Variants in FCRL6 observed in about 807,000 individuals in gnomAD.
FCRL6 encodes Fc receptor-like protein 6.
A neutral mutation model predicts 49.1 loss-of-function variants in FCRL6; 50 were observed. The observed-to-expected ratio is 1.02, with a 90% confidence interval of 0.81 to 1.29. FCRL6 has a LOEUF of 1.29. Among genes scored for constraint, FCRL6 ranks in the 50% most tolerant of loss-of-function variants. FCRL6 has a pLI of 0.00. For missense variants in FCRL6, 571 were observed against 518.5 expected (o/e 1.10, Z -0.98); for synonymous variants, 213 against 199.6 (o/e 1.07, Z -0.57).
intron 6 of FCRL6, among the ~76,000 whole-genome samples, chr1:159,812,480 G>T (rs1378714666): frequency 6.6e-6 from 1 of 152,214 alleles, no homozygotes; most frequent in East Asian, 1.9e-4. Context: ...CTTCAAAGTA[G>T]CACTCACCTG....
chr1:159,815,539 A>T lies in FCRL6; in HGVS notation c.1183A>T (p.Ser395Cys), dbSNP rs770428080. ...SAEFTVGRKDSSIICAEVRCL... is the reference protein window; with the variant it reads ...SAEFTVGRKDCSIICAEVRCL... ...TCCTGAGCCAACTCTTCCACAGGACAGTTCTATCATCTGTGCGGAGGTGAG... is the reference window on the plus strand; with the variant it reads ...TCCTGAGCCAACTCTTCCACAGGACTGTTCTATCATCTGTGCGGAGGTGAG... The change falls in exon 10 of 10, where the codon AGT becomes TGT. Residue 395 changes from serine (S) to cysteine (C), a missense_variant. Coordinates refer to ENST00000368106, the MANE Select transcript of FCRL6 (RefSeq NM_001004310.3). The T allele has an allele frequency of 1.2e-6, 2 of 1,614,084 alleles. No individual in the cohort carries two copies. The highest frequency in any genetic ancestry group is 2.2e-5 in the East Asian group (1 of 44,896).
At chr1:159,807,396 G>A (rs140884669) in intron 2 of FCRL6, among the ~76,000 whole-genome samples, 184 of 149,796 alleles carry the variant, frequency 1.2e-3, no homozygotes, top group African/African-American at 4.3e-3. Flanking sequence ...GATACAGGCT[G>A]GGGACAGATA....
At chr1:159,810,513 A>C (rs1384025871) in intron 6 of FCRL6, among the ~76,000 whole-genome samples, 2 of 152,200 alleles carry the variant, frequency 1.3e-5, no homozygotes, top group Non-Finnish European at 2.9e-5. Context: ...ATTACAAGCC[A>C]AACGTGAGGT....
At chr1:159,806,180 G>A (rs935183306) in intron 1 of FCRL6, among the ~76,000 whole-genome samples, 2 of 152,246 alleles carry the variant, frequency 1.3e-5, no homozygotes, top group African/African-American at 4.8e-5. Context: ...ATAGTGATAA[G>A]TGTTTTGAAG....
intron 6 of FCRL6, among the ~76,000 whole-genome samples, chr1:159,810,631 G>T (rs1663036286): frequency 6.6e-6 from 1 of 151,880 alleles, no homozygotes; most frequent in South Asian, 2.1e-4. Context: ...GCTCTGATCT[G>T]CTTAGCAGAG....
At chr1:159,802,234 C>G (rs1662378881), upstream of FCRL6, 3 of 563,728 alleles carry the variant, frequency 5.3e-6, no homozygotes, top group Non-Finnish European at 6.4e-6. Flanking sequence ...AATACTTCTT[C>G]AACCAAAGAG....
At position 159,808,200 on chromosome 1, in the gene FCRL6, G is replaced by T. The variant is rs552115685; in HGVS notation, c.75G>T (p.Trp25Cys). ...GKTVWLYLQA[W>C]PNPVFEGDAL... ...CAGTCTGGCTGTACCTCCAAGCCTGGCCAAACCCTGTGTTTGAAGGAGATG... is the reference window on the plus strand; with the variant it reads ...CAGTCTGGCTGTACCTCCAAGCCTGTCCAAACCCTGTGTTTGAAGGAGATG... Residue 25 changes from tryptophan (W) to cysteine (C), a missense_variant, in exon 3 of 10, where the codon TGG becomes TGT. Trp to Cys is a radical substitution (Grantham distance 215). Transcript: ENST00000368106. 1 of 1,613,172 alleles carries T rather than the reference G, an allele frequency of 6.2e-7. No homozygotes were observed. The highest frequency in any genetic ancestry group is 1.3e-5 in the African/African-American group (1 of 75,040).
intron 1 of FCRL6, 24 bp downstream of exon 1, chr1:159,802,479 C>A (rs370993703): frequency 6.2e-7 from 1 of 1,607,104 alleles, no homozygotes; most frequent in South Asian, 1.1e-5. Context: ...CATGGGCATC[C>A]CCTCTTGGAG....
chr1:159,806,654 T>C, intron 2 of FCRL6, 38 bp downstream of exon 2: 3 of 1,608,730 alleles, frequency 1.9e-6, no homozygotes, highest in Non-Finnish European at 2.6e-6. Flanking sequence ...TCAAAGTATG[T>C]CTATGGGCCA....
intron 7 of FCRL6, among the ~76,000 whole-genome samples, 184 bp downstream of exon 7, chr1:159,813,738 G>C (rs1000631274): frequency 2.6e-5 from 4 of 152,214 alleles, no homozygotes; most frequent in Non-Finnish European, 4.4e-5. Context: ...GTGGGAGAAG[G>C]GGGTGGGAAG....
At chr1:159,809,704 G>A (rs776188750) in intron 5 of FCRL6, 21 bp downstream of exon 5, 6 of 1,607,618 alleles carry the variant, frequency 3.7e-6, no homozygotes, top group Middle Eastern at 1.7e-4. Flanking sequence ...TTCTCCAACA[G>A]AGCTTTGAGC....
At position 159,810,227 on chromosome 1, in the gene FCRL6, C is replaced by T. The variant is rs149355675; in HGVS notation, c.1009+11C>T. The T allele has an allele frequency of 5.0e-6, 8 of 1,608,704 alleles. No individual in the cohort carries two copies. The African/African-American group carries it at 6.7e-5, about 13-fold the overall frequency. On this transcript the variant is annotated intron_variant, in intron 6 of 9. Transcript: ENST00000368106. ...CCTGGAGAAAAGCTGGTCAGTAACT[C>T]CTCTTGGCTTTCTTAGCTGCTGAAT... is the stretch of plus-strand genomic sequence containing the variant.
upstream of FCRL6, among the ~76,000 whole-genome samples, chr1:159,802,128 C>T (rs1396978425): frequency 6.6e-6 from 1 of 152,176 alleles, no homozygotes; most frequent in Non-Finnish European, 1.5e-5. Context: ...TCCTAGTTCC[C>T]TGGCATAGGC....
intron 6 of FCRL6, among the ~76,000 whole-genome samples, chr1:159,812,759 C>G (rs6657365): frequency 0.23 from 35,536 of 152,116 alleles, 4,574 homozygotes; most frequent in African/African-American, 0.35. Flanking sequence ...CTTTCTAGCT[C>G]TTAGAGTAAT....
chr1:159,804,073 GAACATTAGCC>G (rs980088277), intron 1 of FCRL6, among the ~76,000 whole-genome samples: 23 of 152,118 alleles, frequency 1.5e-4, no homozygotes, highest in Non-Finnish European at 2.8e-4. Flanking sequence ...CTTCTGAGCT[GAACATTAGCC>G]AACTTCCCTC....
intron 1 of FCRL6, among the ~76,000 whole-genome samples, chr1:159,804,578 C>G (rs986342415): frequency 3.3e-5 from 5 of 152,368 alleles, no homozygotes; most frequent in Middle Eastern, 3.4e-3. Context: ...ATTGCAGGAA[C>G]TGCTGTAAGC....
At chr1:159,808,531 C>G in intron 3 of FCRL6, 87 bp downstream of exon 3, 2 of 1,523,554 alleles carry the variant, frequency 1.3e-6, no homozygotes, top group South Asian at 2.3e-5. Flanking sequence ...TGGGCTGGAC[C>G]CCTGTCTCTG....
intron 8 of FCRL6, among the ~76,000 whole-genome samples, chr1:159,814,642 G>A (rs1663284897): frequency 6.6e-6 from 1 of 152,156 alleles, no homozygotes; most frequent in Non-Finnish European, 1.5e-5. Flanking sequence ...CCTGAACAAT[G>A]TGAAGGACAA....
At chr1:159,811,792 G>C (rs2101755429) in intron 6 of FCRL6, among the ~76,000 whole-genome samples, 1 of 152,130 alleles carries the variant, frequency 6.6e-6, no homozygotes, top group East Asian at 1.9e-4. Flanking sequence ...AGCCGGAGTA[G>C]GGAACCACAA....
Sources: allele counts gnomAD v4.1 joint callset (sites outside exome capture counted in the v4.1 genomes callset), GRCh38; gene constraint gnomAD v4.1.1; transcripts MANE v1.5; gene names NCBI Gene and HGNC (gene_info 2026-07-23, HGNC 2026-07-21).